Variants in ABLIM1 observed in about 807,000 individuals in gnomAD.
ABLIM1 encodes actin-binding LIM protein 1.
ABLIM1 carries 40 observed loss-of-function variants against 107.0 expected under a neutral mutation model. The ratio of observed to expected loss-of-function variants is 0.37; its 90% CI spans 0.29 to 0.49. The LOEUF (loss-of-function observed/expected upper bound fraction) is 0.49, where lower values mean the gene tolerates loss of function less well. Ranked by LOEUF, ABLIM1 falls within the 20% of genes least tolerant of loss-of-function variation. The pLI is 0.97. For synonymous variants in ABLIM1, 357 were observed against 357.3 expected (o/e 1.00, Z 0.01); for missense variants, 857 against 1,008.5 (o/e 0.85, Z 2.04).
At chr10:114,730,857 T>C (rs912115334) in intron 1 of ABLIM1, among the ~76,000 whole-genome samples, 8 of 152,074 alleles carry the variant, frequency 5.3e-5, no homozygotes, top group Admixed American at 2.0e-4. Flanking sequence ...CTAGTCTACT[T>C]TTTGTCCCTA....
intron 10 of ABLIM1, among the ~76,000 whole-genome samples, chr10:114,471,630 C>T (rs2066588231): frequency 6.6e-6 from 1 of 151,716 alleles, no homozygotes; most frequent in Non-Finnish European, 1.5e-5. Flanking sequence ...TGGAATAAAA[C>T]CCAGATTAGA....
chr10:114,642,211 C>T (rs2078785904), intron 1 of ABLIM1, among the ~76,000 whole-genome samples: 1 of 152,018 alleles, frequency 6.6e-6, no homozygotes. Context: ...AGGAGTTGAG[C>T]AGAGAAAGTG....
intron 1 of ABLIM1, chr10:114,765,089 G>A (rs2082856970): frequency 6.6e-6 from 1 of 152,120 alleles, no homozygotes; most frequent in Non-Finnish European, 1.5e-5. Flanking sequence ...TTTGGAGATG[G>A]AGTCTCGCTC....
intron 1 of ABLIM1, among the ~76,000 whole-genome samples, chr10:114,620,637 C>A (rs1022429660): frequency 2.0e-5 from 3 of 152,124 alleles, no homozygotes; most frequent in Non-Finnish European, 2.9e-5. Context: ...GTCTTGAACT[C>A]CTGACCTCAA....
In ABLIM1 at chr10:114,437,857, C is replaced by T. The variant is rs754714744; in HGVS notation, c.2210G>A (p.Arg737Lys). The T allele has an allele frequency of 1.2e-6, 2 of 1,614,046 alleles. No individual in the cohort carries two copies. Among genetic ancestry groups the T allele is most frequent in the Non-Finnish European group, 1.7e-6 (2 of 1,180,014 alleles). The part of the protein sequence containing the change: ...GRNKILREVD[R>K]TRLERHLAPE... ...GTTTTGTTTTACCTCCAGCCTGGTTCTGTCCACCTCTCTGAGGATTTTGTT... is the reference window on the plus strand; with the variant it reads ...GTTTTGTTTTACCTCCAGCCTGGTTTTGTCCACCTCTCTGAGGATTTTGTT... Residue 737 changes from arginine to lysine, a missense_variant, in exon 22 of 23, where the codon AGA becomes AAA. Coordinates refer to ENST00000533213, the MANE Select transcript of ABLIM1 (RefSeq NM_002313.7).
chr10:114,451,213 T>C (rs2061836047), intron 14 of ABLIM1, among the ~76,000 whole-genome samples: 1 of 152,226 alleles, frequency 6.6e-6, no homozygotes, highest in Non-Finnish European at 1.5e-5. Context: ...CAAGTTGATG[T>C]AGGCTCAGTC....
At chr10:114,502,559 C>T (rs888409025) in intron 6 of ABLIM1, among the ~76,000 whole-genome samples, 4 of 151,866 alleles carry the variant, frequency 2.6e-5, no homozygotes, top group South Asian at 2.1e-4. Flanking sequence ...TGCAGTGGTG[C>T]GATCTTGGCT....
chr10:114,649,752 C>A lies in ABLIM1; in HGVS notation c.244+8205G>T, dbSNP rs187152029. ...CTGACCACGTATTCACCTTATATTA[C>A]CTTCCTACTGGTAGCCTTCGTCTTG... is the stretch of plus-strand genomic sequence containing the variant. On this transcript the variant is annotated intron_variant, in intron 1 of 22. Coordinates refer to ENST00000533213, the MANE Select transcript of ABLIM1 (RefSeq NM_002313.7). Among the ~76,000 whole-genome samples, 159 of 152,286 alleles carry A rather than the reference C, an allele frequency of 1.0e-3. 1 individual carries two copies. The highest frequency in any genetic ancestry group is 1.5e-4 in the Non-Finnish European group (10 of 68,024).
upstream of ABLIM1, among the ~76,000 whole-genome samples, chr10:114,661,287 T>C (rs1255158409): frequency 2.0e-5 from 3 of 152,164 alleles, no homozygotes; most frequent in African/African-American, 4.8e-5. Context: ...GGGGGCTGAC[T>C]CCATTCTCAG....
intron 15 of ABLIM1, among the ~76,000 whole-genome samples, chr10:114,446,149 G>A (rs1464914294): frequency 6.6e-6 from 1 of 152,186 alleles, no homozygotes; most frequent in African/African-American, 2.4e-5. Flanking sequence ...TTTGTGACAT[G>A]CGTTTAAACC....
At chr10:114,772,994 T>C (rs1168149196), upstream of ABLIM1, among the ~76,000 whole-genome samples, 2 of 151,986 alleles carry the variant, frequency 1.3e-5, no homozygotes, top group African/African-American at 4.8e-5. Context: ...ATTTAGTGAA[T>C]TGGAAAGTAG....
At chr10:114,436,872 C>G (rs1043305447) in intron 22 of ABLIM1, among the ~76,000 whole-genome samples, 4 of 152,214 alleles carry the variant, frequency 2.6e-5, no homozygotes, top group African/African-American at 9.6e-5. Flanking sequence ...GATCCTGCAG[C>G]CTTTATTCTC....
chr10:114,456,937 A>T (rs1240930846), intron 12 of ABLIM1, among the ~76,000 whole-genome samples: 2 of 150,340 alleles, frequency 1.3e-5, no homozygotes, highest in African/African-American at 5.0e-5. Flanking sequence ...TTTTTTTTAA[A>T]AAAAAAAAAA....
At chr10:114,597,654 C>T (rs1342272377) in intron 2 of ABLIM1, among the ~76,000 whole-genome samples, 1 of 152,130 alleles carries the variant, frequency 6.6e-6, no homozygotes, top group African/African-American at 2.4e-5. Context: ...TGAGAAATGT[C>T]TCGTGTCAGA....
chr10:114,433,727 AG>A lies in ABLIM1; in HGVS notation c.*2532del, dbSNP rs1187835389. ...ACTCCTAGTCTCTATAAAATAAGGA[AG>A]GGGGTTGTCCCAGTTTTCAGTCTAA... On this transcript the variant is annotated 3_prime_UTR_variant, in exon 23 of 23. Coordinates refer to ENST00000533213, the MANE Select transcript of ABLIM1 (RefSeq NM_002313.7). 2.0e-5 allele frequency: 3 copies of A among 152,214 alleles called. No homozygotes were observed. Among genetic ancestry groups the A allele is most frequent in the Admixed American group, 2.0e-4 (3 of 15,284 alleles). The allele number at this position is 152,214 out of a possible 1,614,324, so 9.4% of individuals were successfully genotyped here.
Position 114,575,575 on chromosome 10 carries a change from C to T in ABLIM1, c.404G>A (p.Gly135Glu), listed in dbSNP as rs1442319047. 1 of 1,613,964 alleles carries T rather than the reference C, an allele frequency of 6.2e-7. No individual in the cohort carries two copies. The highest frequency in any genetic ancestry group is 8.5e-7 in the Non-Finnish European group (1 of 1,179,926). Residue 135 changes from glycine to glutamate, a missense_variant, in exon 3 of 23, where the codon GGG becomes GAG. Physicochemically the swap from Gly to Glu is moderately conservative, Grantham distance 98. Transcript: ENST00000533213. The part of the protein sequence containing the change: ...CKVCGCDLAQ[G>E]GFFIKNGEYL... ...CTCTCCGTTCTTTATGAAGAAGCCC[C>T]CTTGTGCCAGGTCACAGCCACACAC...
chr10:114,617,951 A>T (rs2077233011), intron 1 of ABLIM1, among the ~76,000 whole-genome samples: 1 of 152,164 alleles, frequency 6.6e-6, no homozygotes. Context: ...CTGTCTCTAT[A>T]AGAAAGAAAA....
chr10:114,784,665 C>CAAAAAAAAAAAAAAAAAAAAAAAA, the ABLIM1 span, among the ~76,000 whole-genome samples: 3 of 87,996 alleles, frequency 3.4e-5, no homozygotes, highest in African/African-American at 4.3e-5. Flanking sequence ...AGACTCACCT[C>CAAAAAAAAAAAAAAAAAAAAAAAA]AAAAAAAAAA....
chr10:114,767,767 G>C (rs995080100), intron 1 of ABLIM1, among the ~76,000 whole-genome samples: 26 of 152,156 alleles, frequency 1.7e-4, no homozygotes, highest in African/African-American at 6.3e-4. Context: ...CACAGCTCCC[G>C]GCAGGGCAGC....
Sources: allele counts gnomAD v4.1 joint callset (sites outside exome capture counted in the v4.1 genomes callset), GRCh38; gene constraint gnomAD v4.1.1; transcripts MANE v1.5; gene names NCBI Gene and HGNC (gene_info 2026-07-23, HGNC 2026-07-21).